Variants in MAGI1 observed in about 807,000 individuals in gnomAD.
MAGI1 encodes the protein membrane-associated guanylate kinase, WW and PDZ domain-containing protein 1.
A neutral mutation model predicts 139.9 loss-of-function variants in MAGI1; 58 were observed. That is an observed-to-expected ratio of 0.41 (90% CI 0.34 to 0.52). The LOEUF (loss-of-function observed/expected upper bound fraction) is 0.52. Among genes scored for constraint, MAGI1 ranks in the 20% least tolerant of loss-of-function variants. The pLI is 0.12. For synonymous variants in MAGI1, 812 were observed against 737.9 expected, an observed-to-expected ratio of 1.10 and a Z score of -1.63; for missense variants, 1,874 against 1,901.6, an observed-to-expected ratio of 0.99 and a Z score of 0.27.
At chr3:65,643,260 C>T (rs2085077340) in intron 1 of MAGI1, among the ~76,000 whole-genome samples, 1 of 152,164 alleles carries the variant, frequency 6.6e-6, no homozygotes, top group Non-Finnish European at 1.5e-5. Flanking sequence ...ATACATAGAA[C>T]TAGTTTTCTT....
intron 2 of MAGI1, among the ~76,000 whole-genome samples, chr3:65,605,665 A>C (rs2082705588): frequency 6.6e-6 from 1 of 152,170 alleles, no homozygotes; most frequent in Non-Finnish European, 1.5e-5. Flanking sequence ...AGAGTTAATG[A>C]AGGAGAGAGA....
chr3:65,781,889 T>C (rs930278506), intron 1 of MAGI1, among the ~76,000 whole-genome samples: 2 of 117,608 alleles, frequency 1.7e-5, no homozygotes, highest in African/African-American at 5.7e-5. Flanking sequence ...ACCATCTGAC[T>C]GGGGAACCCC....
At chr3:65,525,959 A>C (rs1366984839) in intron 2 of MAGI1, among the ~76,000 whole-genome samples, 4 of 152,194 alleles carry the variant, frequency 2.6e-5, no homozygotes, top group African/African-American at 9.7e-5. Context: ...ACCAAGTCAC[A>C]GGGGGAAATC....
chr3:65,737,934 T>C (rs192573372), intron 1 of MAGI1, among the ~76,000 whole-genome samples: 1 of 152,312 alleles, frequency 6.6e-6, no homozygotes, highest in Admixed American at 6.5e-5. Context: ...TTAGGACTCC[T>C]AAAATCAGAT....
intron 1 of MAGI1, among the ~76,000 whole-genome samples, chr3:66,018,290 T>C (rs368560186): frequency 1.3e-5 from 2 of 152,274 alleles, no homozygotes; most frequent in East Asian, 1.9e-4. Flanking sequence ...AAGCAGAGTA[T>C]TTTCTTCCAA....
intron 2 of MAGI1, among the ~76,000 whole-genome samples, chr3:65,603,096 A>G (rs534281875): frequency 6.6e-6 from 1 of 152,222 alleles, no homozygotes; most frequent in Non-Finnish European, 1.5e-5. Flanking sequence ...TTAAAGAACT[A>G]TCTCCTCCTT....
chr3:65,925,419 C>T (rs1457856410), intron 1 of MAGI1: 1 of 152,116 alleles, frequency 6.6e-6, no homozygotes, highest in East Asian at 1.9e-4. Context: ...TAAAAAGGCC[C>T]ACCTTGACCC....
chr3:65,881,555 C>A (rs1044757971), intron 1 of MAGI1, among the ~76,000 whole-genome samples: 3 of 151,762 alleles, frequency 2.0e-5, no homozygotes, highest in African/African-American at 7.3e-5. Context: ...TGTGCCCAGG[C>A]GTTGGAGGCT....
intron 1 of MAGI1, among the ~76,000 whole-genome samples, chr3:65,774,858 G>A (rs1394100771): frequency 6.6e-6 from 1 of 152,128 alleles, no homozygotes; most frequent in African/African-American, 2.4e-5. Flanking sequence ...AGAAGATTTT[G>A]ATTTCTGTCT....
At chr3:65,729,044 T>C (rs2033913376) in intron 1 of MAGI1, among the ~76,000 whole-genome samples, 1 of 146,932 alleles carries the variant, frequency 6.8e-6, no homozygotes, top group South Asian at 2.2e-4. Context: ...GGACCTGGCA[T>C]GGTCTGAATC....
At chr3:65,831,946 G>A (rs2042552898) in intron 1 of MAGI1, among the ~76,000 whole-genome samples, 1 of 152,226 alleles carries the variant, frequency 6.6e-6, no homozygotes, top group South Asian at 2.1e-4. Context: ...ACTGAATGTT[G>A]AGTAATAATT....
chr3:65,779,867 G>T (rs973819230), intron 1 of MAGI1, among the ~76,000 whole-genome samples: 1 of 152,042 alleles, frequency 6.6e-6, no homozygotes, highest in Non-Finnish European at 1.5e-5. Flanking sequence ...TCCTGTTATC[G>T]ATTACATGTG....
At chr3:65,954,131 T>C (rs2063997670) in intron 1 of MAGI1, among the ~76,000 whole-genome samples, 1 of 152,190 alleles carries the variant, frequency 6.6e-6, no homozygotes, top group Non-Finnish European at 1.5e-5. Context: ...GGGCAAAAAG[T>C]CAGGCCTATT....
At chr3:65,846,248 C>T (rs966888763) in intron 1 of MAGI1, among the ~76,000 whole-genome samples, 10 of 152,160 alleles carry the variant, frequency 6.6e-5, no homozygotes, top group Non-Finnish European at 1.5e-4. Context: ...GAAAATGACT[C>T]CTAAAGTTGG....
intron 1 of MAGI1, among the ~76,000 whole-genome samples, chr3:65,794,838 C>T (rs902178468): frequency 3.1e-5 from 4 of 128,382 alleles, no homozygotes; most frequent in Middle Eastern, 3.5e-3. Context: ...AACAAACCCT[C>T]ATCAGGAAAA....
intron 17 of MAGI1, chr3:65,379,056 T>A: frequency 9.5e-7 from 1 of 1,049,286 alleles, no homozygotes; most frequent in Admixed American, 2.4e-5. Context: ...GTGTGGAAGT[T>A]GAAAGGGTTG....
chr3:65,760,899 G>A (rs2036970431), intron 1 of MAGI1, among the ~76,000 whole-genome samples: 1 of 152,142 alleles, frequency 6.6e-6, no homozygotes, highest in East Asian at 1.9e-4. Context: ...CCAGTCAGAG[G>A]GAGGCTTCGT....
Position 65,734,614 on chromosome 3 carries a change from A to G in MAGI1, c.314-112526T>C, listed in dbSNP as rs555263982. Among the ~76,000 whole-genome samples, 4 of 152,114 alleles carry G rather than the reference A, an allele frequency of 2.6e-5. No individual in the cohort carries two copies. In the South Asian group the frequency reaches 8.3e-4, roughly 32 times the overall value. ...GAGAGAGAGAAACTGTCTTGTCTAC[A>G]TAACCTTCATTATCATTAGTCAAAT... On this transcript the variant is annotated intron_variant, in intron 1 of 22. Transcript: ENST00000402939.
intron 1 of MAGI1, among the ~76,000 whole-genome samples, chr3:65,795,245 C>A (rs1248260554): frequency 6.6e-6 from 1 of 152,168 alleles, no homozygotes; most frequent in Non-Finnish European, 1.5e-5. Context: ...ATGTTCATAG[C>A]AACTTTATCA....
Sources: allele counts gnomAD v4.1 joint callset (sites outside exome capture counted in the v4.1 genomes callset), GRCh38; gene constraint gnomAD v4.1.1; transcripts MANE v1.5; gene names NCBI Gene and HGNC (gene_info 2026-07-23, HGNC 2026-07-21).